CRPPA: variants seen among roughly 807,000 people sequenced by gnomAD.
CRPPA encodes the protein D-ribitol-5-phosphate cytidylyltransferase.
In CRPPA, 43 loss-of-function variants were observed where a neutral mutation model predicts 52.0. That is an observed-to-expected ratio of 0.83 (90% CI 0.65 to 1.07). CRPPA has a LOEUF of 1.07. Among genes scored for constraint, CRPPA ranks in the 50% least tolerant of loss-of-function variants. The pLI is 0.00. For synonymous variants in CRPPA, 250 were observed against 203.5 expected, an observed-to-expected ratio of 1.23 and a Z score of -1.94; for missense variants, 629 against 551.7, an observed-to-expected ratio of 1.14 and a Z score of -1.40.
chr7:16,116,242 T>C (rs985445229), intron 9 of CRPPA, among the ~76,000 whole-genome samples: 1 of 152,172 alleles, frequency 6.6e-6, no homozygotes, highest in Non-Finnish European at 1.5e-5. Flanking sequence ...GAGAAGGATA[T>C]AACACTAATT....
At chr7:16,326,154 T>G (rs886117787) in intron 3 of CRPPA, among the ~76,000 whole-genome samples, 1 of 151,906 alleles carries the variant, frequency 6.6e-6, no homozygotes, top group African/African-American at 2.4e-5. Context: ...GAGCTATATA[T>G]TCCCTCCCTG....
chr7:16,279,480 C>T (rs1431988757), intron 5 of CRPPA, among the ~76,000 whole-genome samples: 1 of 152,070 alleles, frequency 6.6e-6, no homozygotes, highest in Non-Finnish European at 1.5e-5. Flanking sequence ...ACTACAGGGA[C>T]ATGAGTAGTA....
intron 3 of CRPPA, among the ~76,000 whole-genome samples, chr7:16,323,689 G>A (rs1161289890): frequency 6.6e-6 from 1 of 152,118 alleles, no homozygotes; most frequent in Non-Finnish European, 1.5e-5. Flanking sequence ...AGAGCAAACT[G>A]ATATAATTGC....
At position 16,121,112 on chromosome 7, in the gene CRPPA, T is replaced by C. The variant is rs147125140; in HGVS notation, c.1252-29313A>G. 2.9e-3 allele frequency among the ~76,000 whole-genome samples: 449 copies of C among 152,208 alleles called. 3 individuals carry two copies. Among genetic ancestry groups the C allele is most frequent in the African/African-American group, 0.01 (432 of 41,554 alleles). ...TTTGAATAACTTGTCCAAACTCACA[T>C]AGGTAATGACTGAAAAACTCAGAGT... On this transcript the variant is annotated intron_variant, in intron 9 of 9. Transcript: ENST00000407010.
At chr7:16,320,695 G>C (rs1785245142) in intron 3 of CRPPA, among the ~76,000 whole-genome samples, 1 of 152,090 alleles carries the variant, frequency 6.6e-6, no homozygotes, top group Non-Finnish European at 1.5e-5. Context: ...AAACAAAATA[G>C]ACAATCTTAC....
chr7:16,352,347 A>T (rs10260543), intron 3 of CRPPA, among the ~76,000 whole-genome samples: 1 of 151,566 alleles, frequency 6.6e-6, no homozygotes, highest in Non-Finnish European at 1.5e-5. Flanking sequence ...CCACCATGGC[A>T]TATGTATACC....
chr7:16,319,054 T>C (rs1404657849), intron 3 of CRPPA, among the ~76,000 whole-genome samples: 1 of 152,184 alleles, frequency 6.6e-6, no homozygotes, highest in Non-Finnish European at 1.5e-5. Context: ...ACCCTTTCAA[T>C]ATCATAATTT....
intron 8 of CRPPA, among the ~76,000 whole-genome samples, chr7:16,255,332 G>A (rs537540018): frequency 1.3e-5 from 2 of 152,284 alleles, no homozygotes; most frequent in East Asian, 3.9e-4. Context: ...CTCATGGATA[G>A]GAAGAGTCAA....
intron 6 of CRPPA, among the ~76,000 whole-genome samples, chr7:16,268,002 A>T (rs1783997686): frequency 6.6e-6 from 1 of 152,110 alleles, no homozygotes; most frequent in Non-Finnish European, 1.5e-5. Context: ...AGCACCCATA[A>T]ATTGTGGTAT....
chr7:16,375,281 A>C (rs980081891), intron 3 of CRPPA, among the ~76,000 whole-genome samples: 4 of 152,146 alleles, frequency 2.6e-5, no homozygotes, highest in African/African-American at 7.2e-5. Flanking sequence ...CTCCTATAGC[A>C]AGTTGACTAA....
At chr7:16,396,040 C>T (rs1408565550) in intron 2 of CRPPA, among the ~76,000 whole-genome samples, 1 of 152,140 alleles carries the variant, frequency 6.6e-6, no homozygotes, top group Non-Finnish European at 1.5e-5. Context: ...CCTGGGTTTC[C>T]TTACGAACCA....
intron 9 of CRPPA, among the ~76,000 whole-genome samples, chr7:16,166,997 C>G (rs573178790): frequency 2.6e-4 from 39 of 151,044 alleles, no homozygotes; most frequent in Non-Finnish European, 4.4e-4. Context: ...GGTGCGATCT[C>G]CACTCACTGC....
At chr7:16,257,194 A>T (rs1214861688) in intron 8 of CRPPA, among the ~76,000 whole-genome samples, 1 of 152,142 alleles carries the variant, frequency 6.6e-6, no homozygotes, top group Non-Finnish European at 1.5e-5. Context: ...CCAAGAAACA[A>T]GTGTTCTGAG....
intron 9 of CRPPA, among the ~76,000 whole-genome samples, chr7:16,193,467 A>T (rs1220199034): frequency 1.3e-5 from 2 of 152,134 alleles, no homozygotes; most frequent in African/African-American, 4.8e-5. Flanking sequence ...ATTACTTCTA[A>T]GGTAAATTTG....
At chr7:16,380,969 G>GT (rs1395340691) in intron 2 of CRPPA, among the ~76,000 whole-genome samples, 4 of 151,514 alleles carry the variant, frequency 2.6e-5, no homozygotes. Context: ...TTTTTGAAGG[G>GT]TTTTTTGTGT....
chr7:16,360,463 T>G (rs955888154), intron 3 of CRPPA, among the ~76,000 whole-genome samples: 2 of 152,170 alleles, frequency 1.3e-5, no homozygotes, highest in Admixed American at 1.3e-4. Context: ...TCATTTCAAA[T>G]GTTACTATAA....
At chr7:16,358,584 TGTCATTA>T (rs1411825017) in intron 3 of CRPPA, among the ~76,000 whole-genome samples, 1 of 152,230 alleles carries the variant, frequency 6.6e-6, no homozygotes, top group Non-Finnish European at 1.5e-5. Flanking sequence ...CATGCTATTC[TGTCATTA>T]CTAGGAATCA....
rs559180804 is a variant in CRPPA, at chr7:16,113,600, G to A, written c.1252-21801C>T. 1.4e-4 allele frequency among the ~76,000 whole-genome samples: 21 copies of A among 151,920 alleles called. 1 individual carries two copies. The highest frequency in any genetic ancestry group is 6.2e-4 in the South Asian group (3 of 4,828). Reference sequence around the variant, plus strand: ...ACAGACCAACAATTAGCCTGGCAGCGTCTCTCCCAAAAATAATGGTAGCAA... The same window carrying A: ...ACAGACCAACAATTAGCCTGGCAGCATCTCTCCCAAAAATAATGGTAGCAA... On this transcript the variant is annotated intron_variant, in intron 9 of 9. Coordinates refer to ENST00000407010, the MANE Select transcript of CRPPA (RefSeq NM_001101426.4).
intron 9 of CRPPA, among the ~76,000 whole-genome samples, chr7:16,127,818 C>T (rs1349875965): frequency 6.6e-5 from 10 of 152,066 alleles, no homozygotes; most frequent in Non-Finnish European, 1.5e-4. Context: ...AAAAGCTACT[C>T]TAATGGTAAA....
Sources: gnomAD v4.1 joint callset for allele counts (sites outside exome capture counted in the v4.1 genomes callset) on GRCh38, gnomAD v4.1.1 for gene constraint, MANE v1.5 for transcripts, NCBI Gene and HGNC (gene_info 2026-07-23, HGNC 2026-07-21) for gene names.